PRKCA: variants seen among roughly 807,000 people sequenced by gnomAD.
The protein encoded by PRKCA is protein kinase C alpha type.
In PRKCA, 27 loss-of-function variants were observed where a neutral mutation model predicts 87.0. The ratio of observed to expected loss-of-function variants is 0.31; its 90% CI spans 0.23 to 0.43. PRKCA has a LOEUF of 0.43. PRKCA is among the 20% of genes least tolerant of loss of function. PRKCA has a pLI of 1.00. For missense variants in PRKCA, 518 were observed against 852.3 expected (o/e 0.61, Z 4.88); for synonymous variants, 329 against 311.1 (o/e 1.06, Z -0.61).
chr17:66,792,500 T>A lies in PRKCA; in HGVS notation c.1854+3521T>A, dbSNP rs903578330. Among the ~76,000 whole-genome samples the A allele has an allele frequency of 1.3e-5, 2 of 152,268 alleles. No individual in the cohort carries two copies. The highest frequency in any genetic ancestry group is 4.8e-5 in the African/African-American group (2 of 41,472). On this transcript the variant is annotated intron_variant, in intron 16 of 16. Coordinates refer to ENST00000413366, the MANE Select transcript of PRKCA (RefSeq NM_002737.3). The surrounding 1 kb of genome is among the most constrained non-coding windows in gnomAD (Gnocchi z 4.5). The stretch of plus-strand genomic sequence containing the variant: ...GGGAATCATGGTTCCTCTAGTGTGC[T>A]GTCTTAATCCCTCTTCCTGACTGCC...
intron 2 of PRKCA, among the ~76,000 whole-genome samples, chr17:66,309,096 G>A (rs1904967289): frequency 6.6e-6 from 1 of 152,088 alleles, no homozygotes; most frequent in Admixed American, 6.6e-5. Flanking sequence ...TTGGTTAGTA[G>A]GTAAAATATC....
intron 3 of PRKCA, among the ~76,000 whole-genome samples, chr17:66,499,770 G>GA (rs1387712979): frequency 6.6e-6 from 1 of 152,086 alleles, no homozygotes; most frequent in Non-Finnish European, 1.5e-5. Context: ...ATGATTAGAT[G>GA]AATTTTTTTT....
At chr17:66,657,782 C>T (rs1971776791) in intron 5 of PRKCA, among the ~76,000 whole-genome samples, 1 of 152,140 alleles carries the variant, frequency 6.6e-6, no homozygotes, top group Non-Finnish European at 1.5e-5. Context: ...GTTTCAATCC[C>T]TCCCACCCCA....
intron 2 of PRKCA, among the ~76,000 whole-genome samples, chr17:66,431,639 A>G (rs1913104424): frequency 2.0e-5 from 3 of 152,320 alleles, no homozygotes; most frequent in Non-Finnish European, 2.9e-5. Flanking sequence ...GCGCTCCAGC[A>G]AAGTCCATGC....
chr17:66,765,361 C>T (rs143499458), intron 13 of PRKCA, among the ~76,000 whole-genome samples: 2,987 of 140,224 alleles, frequency 0.021, 113 homozygotes, highest in African/African-American at 0.074. Context: ...TGCAGTGAGC[C>T]GAGATCGTGT....
At chr17:66,543,733 C>T (rs559991890) in intron 3 of PRKCA, among the ~76,000 whole-genome samples, 2 of 152,258 alleles carry the variant, frequency 1.3e-5, no homozygotes, top group South Asian at 2.1e-4. Context: ...TTAGCAATCC[C>T]AAGAGGCATC....
At chr17:66,537,482 A>G (rs1157337954) in intron 3 of PRKCA, among the ~76,000 whole-genome samples, 1 of 152,202 alleles carries the variant, frequency 6.6e-6, no homozygotes, top group Non-Finnish European at 1.5e-5. Flanking sequence ...TTCAGGTTCC[A>G]TATGTGGGGC....
chr17:66,434,032 A>G (rs945265168), intron 2 of PRKCA, among the ~76,000 whole-genome samples: 5 of 152,112 alleles, frequency 3.3e-5, no homozygotes, highest in Non-Finnish European at 7.3e-5. Context: ...AGCCAGGAGC[A>G]GCAGAGCCAG....
At chr17:66,451,391 A>G (rs1300002632) in intron 2 of PRKCA, among the ~76,000 whole-genome samples, 2 of 146,182 alleles carry the variant, frequency 1.4e-5, no homozygotes, top group Admixed American at 1.4e-4. Flanking sequence ...TTTATTACCT[A>G]AAACAAGTTC....
At chr17:66,411,889 A>T (rs1336394084) in intron 2 of PRKCA, among the ~76,000 whole-genome samples, 3 of 152,120 alleles carry the variant, frequency 2.0e-5, no homozygotes, top group Admixed American at 6.5e-5. Context: ...TGAGAATATT[A>T]AAAAAACCTT....
chr17:66,383,236 A>G (rs1038363555), intron 2 of PRKCA, among the ~76,000 whole-genome samples: 9 of 152,082 alleles, frequency 5.9e-5, no homozygotes, highest in Admixed American at 4.6e-4. Flanking sequence ...TAAGTTGTTC[A>G]TATTATTTTT....
chr17:66,568,471 C>G (rs756229731), intron 3 of PRKCA, among the ~76,000 whole-genome samples: 8 of 152,074 alleles, frequency 5.3e-5, no homozygotes, highest in Non-Finnish European at 1.0e-4. Context: ...GTGCTGGGTC[C>G]TCTGCTTGTT....
intron 16 of PRKCA, among the ~76,000 whole-genome samples, chr17:66,799,065 T>G (rs796150417): frequency 2.8e-5 from 4 of 140,390 alleles, no homozygotes; most frequent in African/African-American, 5.3e-5. Flanking sequence ...GTGGTGGTGG[T>G]GGTGGTGGTG....
chr17:66,762,883 C>T (rs1389524206), intron 13 of PRKCA, among the ~76,000 whole-genome samples: 8 of 152,218 alleles, frequency 5.3e-5, no homozygotes, highest in East Asian at 3.9e-4. Flanking sequence ...CTCTACCTCC[C>T]GGGTTCAAGC....
At chr17:66,684,030 T>G (rs751193799) in intron 5 of PRKCA, among the ~76,000 whole-genome samples, 8 of 152,178 alleles carry the variant, frequency 5.3e-5, no homozygotes, top group Non-Finnish European at 1.5e-5. Context: ...TTCCTATGAG[T>G]AATGCCCCCT....
intron 3 of PRKCA, among the ~76,000 whole-genome samples, chr17:66,516,403 C>T (rs1254729448): frequency 6.6e-6 from 1 of 152,042 alleles, no homozygotes; most frequent in Non-Finnish European, 1.5e-5. Flanking sequence ...AAAGCCGAGG[C>T]GGGTGAATCA....
At chr17:66,690,104 CA>C (rs1417057608) in intron 8 of PRKCA, among the ~76,000 whole-genome samples, 1 of 152,116 alleles carries the variant, frequency 6.6e-6, no homozygotes, top group Non-Finnish European at 1.5e-5. Flanking sequence ...TCATGCCCCC[CA>C]CAAAAGAAAC....
chr17:66,566,237 C>CCCAT (rs1164581583), intron 3 of PRKCA, among the ~76,000 whole-genome samples: 1 of 152,150 alleles, frequency 6.6e-6, no homozygotes, highest in African/African-American at 2.4e-5. Flanking sequence ...GTGACCCAGC[C>CCCAT]CCATCCCAGG....
chr17:66,340,469 A>G (rs1229704786), intron 2 of PRKCA, among the ~76,000 whole-genome samples: 1 of 151,096 alleles, frequency 6.6e-6, no homozygotes, highest in Non-Finnish European at 1.5e-5. Flanking sequence ...TTCTCAGAGC[A>G]GACAGGGGTC....
Sources: gnomAD v4.1 joint callset for allele counts (sites outside exome capture counted in the v4.1 genomes callset) on GRCh38, gnomAD v4.1.1 for gene constraint, Gnocchi (gnomAD v3.1) non-coding constraint, MANE v1.5 for transcripts, NCBI Gene and HGNC (gene_info 2026-07-23, HGNC 2026-07-21) for gene names.